Variants in LHX6 observed in about 807,000 individuals in gnomAD.
LHX6 encodes the protein LIM/homeobox protein Lhx6.
Under a neutral mutation model 47.1 loss-of-function variants are expected in LHX6, and 15 were observed. That is an observed-to-expected ratio of 0.32 (90% CI 0.21 to 0.49). LHX6 has a LOEUF of 0.49. LHX6 is among the 20% of genes least tolerant of loss of function. The probability of loss-of-function intolerance (pLI) is 0.99; values close to 1 mark genes in which losing one functional copy is unlikely to be tolerated. For missense variants in LHX6, 404 were observed against 539.6 expected (o/e 0.75, Z 2.49); for synonymous variants, 242 against 233.5 (o/e 1.04, Z -0.33).
chr9:122,219,553 G>T (rs1030288865), intron 4 of LHX6, among the ~76,000 whole-genome samples: 1 of 152,316 alleles, frequency 6.6e-6, no homozygotes, highest in South Asian at 2.1e-4. Flanking sequence ...AGGGGAGGCT[G>T]GCTTCCGATT....
chr9:122,213,809 C>T lies in LHX6; in HGVS notation c.880-29G>A. On this transcript the variant is annotated intron_variant, in intron 7 of 9. Transcript: ENST00000394319. This position sits in a 1 kb window ranked among gnomAD's most constrained non-coding sequence, Gnocchi z 5.5. The stretch of plus-strand genomic sequence containing the variant: ...GAACGACAGCCTCGGCAGCCTCAGC[C>T]TCGAGGAAAAGAGTCGGACGCGCCG... 1 of 1,560,650 alleles carries T rather than the reference C, an allele frequency of 6.4e-7. No homozygotes were observed. The highest frequency in any genetic ancestry group is 8.7e-7 in the Non-Finnish European group (1 of 1,153,108).
At chr9:122,225,117 G>A (rs1027606247) in intron 4 of LHX6, among the ~76,000 whole-genome samples, 1 of 152,238 alleles carries the variant, frequency 6.6e-6, no homozygotes, top group South Asian at 2.1e-4. Context: ...GTGCACAGGA[G>A]GAGATCGCCT....
chr9:122,226,533 C>CG lies in LHX6; in HGVS notation c.340-37dup, dbSNP rs772617388. On this transcript the variant is annotated intron_variant, in intron 3 of 9. Coordinates refer to ENST00000394319, the MANE Select transcript of LHX6 (RefSeq NM_014368.5). This position sits in a 1 kb window ranked among gnomAD's most constrained non-coding sequence, Gnocchi z 6.5. The stretch of plus-strand genomic sequence containing the variant: ...GGCGGGGACGGAGGTCGGCTCAGCG[C>CG]GGGCCTCTTTCACTCCGGGCCCCAG... The CG allele has an allele frequency of 6.2e-7, 1 of 1,601,624 alleles. No homozygotes were observed. The highest frequency in any genetic ancestry group is 1.8e-5 in the Admixed American group (1 of 57,116).
chr9:122,221,624 A>C, intron 4 of LHX6: 1 of 985,538 alleles, frequency 1.0e-6, no homozygotes, highest in African/African-American at 1.7e-5. Flanking sequence ...TCCCATTGTC[A>C]GAAGGCAGGA....
At position 122,205,401 on chromosome 9, in the gene LHX6, C is replaced by A. The variant is rs1192113881; in HGVS notation, c.1159-621G>T. Among the ~76,000 whole-genome samples the A allele has an allele frequency of 2.0e-5, 3 of 152,212 alleles. No individual in the cohort carries two copies. The East Asian group carries it at 5.8e-4, about 29-fold the overall frequency. Reference sequence around the variant, plus strand: ...GTGCGTGGCTCAGACACACTGGGTGCCCGATACACAGTGGGAGATCAGGAC... The same window carrying A: ...GTGCGTGGCTCAGACACACTGGGTGACCGATACACAGTGGGAGATCAGGAC... On this transcript the variant is annotated intron_variant, in intron 9 of 9. Coordinates refer to ENST00000394319, the MANE Select transcript of LHX6 (RefSeq NM_014368.5).
intron 8 of LHX6, among the ~76,000 whole-genome samples, chr9:122,209,976 G>C (rs193137603): frequency 2.0e-5 from 3 of 152,056 alleles, no homozygotes; most frequent in African/African-American, 4.8e-5. Flanking sequence ...CCCAGGTTCA[G>C]GCCATTCTCC....
intron 4 of LHX6, among the ~76,000 whole-genome samples, chr9:122,224,185 A>G (rs1191824449): frequency 6.6e-6 from 1 of 151,888 alleles, no homozygotes; most frequent in Non-Finnish European, 1.5e-5. Context: ...GTGCCACCAC[A>G]CCTGGCTAAG....
In LHX6 at chr9:122,217,276, G is replaced by A. The variant is rs1330028165; in HGVS notation, c.474C>T (p.Thr158=). Residue 158 remains threonine, a synonymous_variant, in exon 5 of 10, where the codon ACC becomes ACT. Coordinates refer to ENST00000394319, the MANE Select transcript of LHX6 (RefSeq NM_014368.5). The surrounding 1 kb of genome is among the most constrained non-coding windows in gnomAD (Gnocchi z 4.9). ...TCTGTCGGCCGCACCGGGCACACTT[G>A]GTCCCGAATCGGCTGCAGGTCGAGA... The part of the protein sequence containing the change: ...CKMDYFSRFG[T]KCARCGRQIY... 1 of 1,611,478 alleles carries A rather than the reference G, an allele frequency of 6.2e-7. No homozygotes were observed. The highest frequency in any genetic ancestry group is 8.5e-7 in the Non-Finnish European group (1 of 1,179,398).
intron 4 of LHX6, chr9:122,221,415 C>T (rs2118892941): frequency 2.0e-6 from 2 of 985,588 alleles, no homozygotes. Context: ...CTGGGACCCT[C>T]GCTTTGCGGG....
At chr9:122,204,987 A>T (rs1472717249) in intron 9 of LHX6, among the ~76,000 whole-genome samples, 1 of 152,190 alleles carries the variant, frequency 6.6e-6, no homozygotes, top group Non-Finnish European at 1.5e-5. Flanking sequence ...TAAAACAAGG[A>T]TGACAAAATC....
chr9:122,214,501 G>C lies in LHX6; in HGVS notation c.683-118C>G. ...GGTCAGGAGCGGGAGTTGGCTGGGA[G>C]CAGGGATCCCAGGGTCCTAGTCCCT... On this transcript the variant is annotated intron_variant, in intron 5 of 9. Coordinates refer to ENST00000394319, the MANE Select transcript of LHX6 (RefSeq NM_014368.5). This position sits in a 1 kb window ranked among gnomAD's most constrained non-coding sequence, Gnocchi z 4.6. 7.4e-7 allele frequency: 1 copy of C among 1,347,456 alleles called. No individual in the cohort carries two copies. The allele number at this position is 1,347,456 out of a possible 1,614,324, so 83.5% of individuals were successfully genotyped here. A position where few individuals can be genotyped will look rare whatever the true frequency, so the allele number is the denominator to read the frequency against.
intron 8 of LHX6, among the ~76,000 whole-genome samples, chr9:122,210,213 C>T (rs918555199): frequency 4.5e-5 from 6 of 133,782 alleles, no homozygotes; most frequent in South Asian, 2.3e-4. Context: ...CCACCGTGCC[C>T]GGCCAATTGT....
chr9:122,216,926 C>T (rs1830613440), intron 5 of LHX6, 142 bp downstream of exon 5: 2 of 671,776 alleles, frequency 3.0e-6, no homozygotes, highest in African/African-American at 1.8e-5. Context: ...GATCTGTTCG[C>T]CGCCCCACCC....
At chr9:122,224,459 G>A (rs1307057833) in intron 4 of LHX6, among the ~76,000 whole-genome samples, 2 of 152,060 alleles carry the variant, frequency 1.3e-5, no homozygotes, top group Admixed American at 1.3e-4. Context: ...TCACACTCTG[G>A]TTACACACCA....
Position 122,228,674 on chromosome 9 carries a change from C to T in LHX6, c.67G>A (p.Gly23Ser). Residue 23 changes from glycine (G) to serine (S), a missense_variant, in exon 1 of 10, where the codon GGC becomes AGC. By Grantham distance (56) the Gly-to-Ser change is moderately conservative. This residue lies in a region of LHX6 where 144 missense variants were observed against 128.7 expected (regional missense o/e 1.12). Coordinates refer to ENST00000394319, the MANE Select transcript of LHX6 (RefSeq NM_014368.5). ...CGGCTCACCTGGTCGGTGGCGGGGCCGCCCTCGGCCGGCAGCCGGCAGCCC... is the reference window on the plus strand; with the variant it reads ...CGGCTCACCTGGTCGGTGGCGGGGCTGCCCTCGGCCGGCAGCCGGCAGCCC... The part of the protein sequence containing the change: ...PEGCRLPAEG[G>S]PATDQVMAQP... The T allele has an allele frequency of 7.8e-6, 10 of 1,287,952 alleles. No individual in the cohort carries two copies. Among genetic ancestry groups the T allele is most frequent in the Non-Finnish European group, 8.8e-6 (9 of 1,018,694 alleles). 79.8% of individuals were successfully genotyped at this position (1,287,952 alleles called of 1,614,324 possible). A position where few individuals can be genotyped will look rare whatever the true frequency, so the allele number is the denominator to read the frequency against.
At chr9:122,216,064 A>ATATGG (rs773479526) in intron 5 of LHX6, among the ~76,000 whole-genome samples, 2 of 152,108 alleles carry the variant, frequency 1.3e-5, no homozygotes, top group South Asian at 2.1e-4. Context: ...GTATGGTATG[A>ATATGG]TATGGTATGG....
intron 1 of LHX6, 182 bp downstream of exon 1, chr9:122,228,475 C>T: frequency 1.4e-6 from 2 of 1,383,022 alleles, no homozygotes; most frequent in South Asian, 3.1e-5. Context: ...AATGTGTTCC[C>T]GCTTTCCGCG....
In LHX6 at chr9:122,228,847, C is replaced by G. The variant is rs1057334236; in HGVS notation, c.-107G>C. The stretch of plus-strand genomic sequence containing the variant: ...GCTGCTGCAGGAGCAGGAGGAGAGC[C>G]GAGGCGCCGGCCCCGCCGCCCCGGG... On this transcript the variant is annotated 5_prime_UTR_variant, in exon 1 of 10. Coordinates refer to ENST00000394319, the MANE Select transcript of LHX6 (RefSeq NM_014368.5). 1 of 751,616 alleles carries G rather than the reference C, an allele frequency of 1.3e-6. No homozygotes were observed. Among genetic ancestry groups the G allele is most frequent in the Admixed American group, 4.8e-5 (1 of 20,804 alleles). The allele number at this position is 751,616 out of a possible 1,614,324, so 46.6% of individuals were successfully genotyped here. A position where few individuals can be genotyped will look rare whatever the true frequency, so the allele number is the denominator to read the frequency against.
At chr9:122,227,235 G>T in intron 2 of LHX6, 174 bp downstream of exon 2, 1 of 809,512 alleles carries the variant, frequency 1.2e-6, no homozygotes, top group Non-Finnish European at 1.8e-6. Flanking sequence ...TCTGGGTGCT[G>T]GGAGCGGTTA....
Sources: allele counts gnomAD v4.1 joint callset (sites outside exome capture counted in the v4.1 genomes callset), GRCh38; gene constraint gnomAD v4.1.1; regional missense constraint gnomAD v4.1.1; non-coding constraint Gnocchi (gnomAD v3.1); transcripts MANE v1.5; gene names NCBI Gene and HGNC (gene_info 2026-07-23, HGNC 2026-07-21).